THBS4: variants seen among roughly 807,000 people sequenced by gnomAD.
The protein encoded by THBS4 is thrombospondin-4.
In THBS4, 90 loss-of-function variants were observed where a neutral mutation model predicts 115.7. The observed-to-expected ratio is 0.78, with a 90% confidence interval of 0.66 to 0.93. THBS4 has a LOEUF of 0.93. Ranked by LOEUF, THBS4 falls within the 40% of genes least tolerant of loss-of-function variation. The pLI is 0.00. For synonymous variants in THBS4, 460 were observed against 479.3 expected (o/e 0.96, Z 0.53); for missense variants, 1,087 against 1,232.7 (o/e 0.88, Z 1.77).
chr5:80,082,274 C>T (rs926558467), intron 20 of THBS4, 132 bp from the exon 21 acceptor site: 44 of 1,279,228 alleles, frequency 3.4e-5, no homozygotes, highest in African/African-American at 6.0e-5. Context: ...TCCAGGTCAG[C>T]GAAAAATGGA....
intron 2 of THBS4, chr5:80,019,750 G>T: frequency 5.2e-6 from 1 of 193,808 alleles, no homozygotes. Context: ...TCACAGCATG[G>T]ATCTGCATTG....
At chr5:80,071,422 T>C (rs1834047934) in intron 13 of THBS4, among the ~76,000 whole-genome samples, 1 of 152,148 alleles carries the variant, frequency 6.6e-6, no homozygotes, top group African/African-American at 2.4e-5. Flanking sequence ...AAACTTTGTA[T>C]GACCCCTTCA....
intron 17 of THBS4, 55 bp downstream of exon 17, chr5:80,078,282 C>CTGAT: frequency 4.2e-6 from 6 of 1,430,484 alleles, no homozygotes; most frequent in Non-Finnish European, 5.6e-6. Flanking sequence ...AGAGGCCCTT[C>CTGAT]TGATAGTGGT....
chr5:80,028,088 A>G (rs1402207341), intron 2 of THBS4, among the ~76,000 whole-genome samples: 1 of 151,810 alleles, frequency 6.6e-6, no homozygotes, highest in Non-Finnish European at 1.5e-5. Context: ...AGTAGTGCAC[A>G]CCTGCAATCC....
upstream of THBS4, among the ~76,000 whole-genome samples, chr5:80,034,367 A>T (rs1420705237): frequency 6.6e-6 from 1 of 152,198 alleles, no homozygotes; most frequent in Non-Finnish European, 1.5e-5. Flanking sequence ...GTGGCTTATT[A>T]AACTTTGAAA....
intron 2 of THBS4, among the ~76,000 whole-genome samples, chr5:80,045,588 T>C (rs1833038270): frequency 1.3e-5 from 2 of 148,914 alleles, no homozygotes; most frequent in Non-Finnish European, 3.0e-5. Context: ...TGGAGTGCAA[T>C]GGCGCGATCT....
intron 2 of THBS4, among the ~76,000 whole-genome samples, chr5:80,001,588 A>G (rs1023209245): frequency 6.6e-6 from 1 of 152,216 alleles, no homozygotes; most frequent in Non-Finnish European, 1.5e-5. Context: ...GGGCTTGGGG[A>G]TGAAACAGTG....
In THBS4 at chr5:80,005,828, G is replaced by A. The variant is rs1312707217; in HGVS notation, n.177+7401G>A. 3.4e-5 allele frequency among the ~76,000 whole-genome samples: 5 copies of A among 146,358 alleles called. 1 individual carries two copies. Among genetic ancestry groups the A allele is most frequent in the East Asian group, 4.1e-4 (2 of 4,934 alleles). On this transcript the variant is annotated intron_variant and non_coding_transcript_variant, in intron 2 of 3. Transcript: ENST00000510218. The stretch of plus-strand genomic sequence containing the variant: ...GTCGCCCAGGCTGGAGTGCAGTGGC[G>A]CGATCTCGGCTCACTGCAACCTCTG...
intron 2 of THBS4, among the ~76,000 whole-genome samples, chr5:80,016,450 G>A (rs1832251617): frequency 6.6e-6 from 1 of 151,920 alleles, no homozygotes; most frequent in Admixed American, 6.6e-5. Context: ...TTTTTTGAGT[G>A]GGATTGGTCT....
At chr5:80,072,183 C>A in intron 13 of THBS4, 95 bp from the exon 14 acceptor site, 2 of 1,102,760 alleles carry the variant, frequency 1.8e-6, no homozygotes, top group Non-Finnish European at 2.8e-6. Context: ...GACACTGGCC[C>A]AGGCAGAAGT....
Position 80,070,329 on chromosome 5 carries a change from T to C in THBS4, c.1371T>C (p.Asp457=). 1 of 1,598,004 alleles carries C rather than the reference T, an allele frequency of 6.3e-7. No homozygotes were observed. The highest frequency in any genetic ancestry group is 8.5e-7 in the Non-Finnish European group (1 of 1,173,264). Residue 457 remains aspartate (D), a synonymous_variant, in exon 11 of 22, where the codon GAT becomes GAC. Coordinates refer to ENST00000350881, the MANE Select transcript of THBS4 (RefSeq NM_003248.6). ...AGTGTGGAGTCGGTTGGGCTGGAGA[T>C]GGCTATATCTGTGGAAAGGATGTGG... ...TCVCGVGWAG[D]GYICGKDVDI... is the part of the protein sequence containing the mutation.
At chr5:80,033,153 G>T, upstream of THBS4, 2 of 381,736 alleles carry the variant, frequency 5.2e-6, no homozygotes, top group Non-Finnish European at 1.1e-5. Context: ...AAGAAAAACT[G>T]GCACCTGGCA....
chr5:80,041,228 G>A (rs1181374852), intron 2 of THBS4, among the ~76,000 whole-genome samples: 1 of 152,152 alleles, frequency 6.6e-6, no homozygotes, highest in African/African-American at 2.4e-5. Context: ...CTCACATGAT[G>A]AAGACAGACA....
Position 80,078,076 on chromosome 5 carries a change from C to A in THBS4, c.2114C>A (p.Ser705Tyr). Residue 705 changes from serine to tyrosine, a missense_variant, in exon 17 of 22, where the codon TCT (serine) becomes TAT (tyrosine). By Grantham distance (144) the Ser-to-Tyr change is moderately radical. Transcript: ENST00000350881. ...GACGGAGTGGGAGACATCTGTGAGT[C>A]TGACTTTGACCAGGACCAGGTCATC... ...NSDGVGDICE[S>Y]DFDQDQVIDR... 2 of 1,599,826 alleles carry A rather than the reference C, an allele frequency of 1.3e-6. No individual in the cohort carries two copies. The highest frequency in any genetic ancestry group is 2.2e-5 in the South Asian group (2 of 89,228).
chr5:80,037,247 A>G (rs989326090), intron 1 of THBS4, among the ~76,000 whole-genome samples: 1 of 152,044 alleles, frequency 6.6e-6, no homozygotes, highest in African/African-American at 2.4e-5. Context: ...GGCCTATACA[A>G]CCTAAATTAT....
intron 2 of THBS4, among the ~76,000 whole-genome samples, chr5:80,012,905 C>T (rs909246989): frequency 6.6e-6 from 1 of 152,146 alleles, no homozygotes; most frequent in African/African-American, 2.4e-5. Context: ...ACACGAGGTC[C>T]CACTTGGCCC....
rs771595550 is a variant in THBS4 at position 80,079,164 on chromosome 5, C to A, written c.2417C>A (p.Ser806Tyr). Residue 806 changes from serine to tyrosine, a missense_variant, in exon 19 of 22, where the codon TCC becomes TAC. Physicochemically the swap from Ser to Tyr is moderately radical, Grantham distance 144. Around this residue, in one of 3 missense-constraint regions of THBS4, gnomAD observed 979 missense variants for 1,103.7 expected, o/e 0.89. Coordinates refer to ENST00000350881, the MANE Select transcript of THBS4 (RefSeq NM_003248.6). ...AGFIFGYQDS[S>Y]SFYVVMWKQT... ...TTTATCTTTGGCTACCAAGATAGCT[C>A]CAGCTTCTACGTGGTCATGTGGAAG... The A allele has an allele frequency of 1.2e-6, 2 of 1,614,222 alleles. No individual in the cohort carries two copies. Among genetic ancestry groups the A allele is most frequent in the Non-Finnish European group, 1.7e-6 (2 of 1,180,040 alleles).
chr5:80,004,824 G>T (rs969506327), intron 2 of THBS4, among the ~76,000 whole-genome samples: 1 of 151,894 alleles, frequency 6.6e-6, no homozygotes, highest in South Asian at 2.1e-4. Flanking sequence ...TGCAACCTCC[G>T]CCTCCCGGGT....
At chr5:80,036,774 A>G in intron 1 of THBS4, among the ~76,000 whole-genome samples, 1 of 152,182 alleles carries the variant, frequency 6.6e-6, no homozygotes, top group East Asian at 1.9e-4. Context: ...GCCTGGGTTG[A>G]TTTATTACTG....
Sources: allele counts gnomAD v4.1 joint callset (sites outside exome capture counted in the v4.1 genomes callset), GRCh38; gene constraint gnomAD v4.1.1; regional missense constraint gnomAD v4.1.1; transcripts MANE v1.5; gene names NCBI Gene and HGNC (gene_info 2026-07-23, HGNC 2026-07-21).